Variants in TDRD3 observed in about 807,000 individuals in gnomAD.
The protein encoded by TDRD3 is tudor domain containing 3.
A neutral mutation model predicts 86.7 loss-of-function variants in TDRD3; 45 were observed. That is an observed-to-expected ratio of 0.52 (90% CI 0.41 to 0.67). The LOEUF (loss-of-function observed/expected upper bound fraction) is 0.67, where lower values mean the gene tolerates loss of function less well. Ranked by LOEUF, TDRD3 falls within the 30% of genes least tolerant of loss-of-function variation. The pLI is 0.00. For missense variants in TDRD3, 814 were observed against 889.0 expected (o/e 0.92, Z 1.07); for synonymous variants, 298 against 301.7 (o/e 0.99, Z 0.13).
At chr13:60,465,891 G>T (rs912027231) in intron 4 of TDRD3, among the ~76,000 whole-genome samples, 1 of 152,148 alleles carries the variant, frequency 6.6e-6, no homozygotes, top group African/African-American at 2.4e-5. Context: ...TGTGAGAAGA[G>T]ATGGGGTGGG....
intron 1 of TDRD3, among the ~76,000 whole-genome samples, chr13:60,416,096 G>A (rs932431590): frequency 6.6e-6 from 1 of 152,090 alleles, no homozygotes; most frequent in Non-Finnish European, 1.5e-5. Flanking sequence ...ATTGTGTTTT[G>A]GAAGTTGATA....
chr13:60,516,027 GCAT>G (rs1260405130), intron 10 of TDRD3, among the ~76,000 whole-genome samples: 4 of 152,292 alleles, frequency 2.6e-5, no homozygotes, highest in African/African-American at 9.6e-5. Flanking sequence ...CATATTAGCA[GCAT>G]CATTTATTTG....
rs749028045 is a variant in TDRD3 at position 60,557,820 on chromosome 13, A to ATT, written c.2119-9684_2119-9683dup. Among the ~76,000 whole-genome samples the ATT allele has an allele frequency of 3.6e-3, 316 of 88,252 alleles. 6 individuals are homozygous for ATT. The highest frequency in any genetic ancestry group is 6.0e-3 in the East Asian group (20 of 3,360). The allele number at this position is 88,252 out of a possible 152,430, so 57.9% of individuals were successfully genotyped here. A position where few individuals can be genotyped will look rare whatever the true frequency, so the allele number is the denominator to read the frequency against. On this transcript the variant is annotated intron_variant, in intron 12 of 13. Transcript: ENST00000377881. The stretch of plus-strand genomic sequence containing the variant: ...GGCATAAAGGATTTTTTTTTTCCTG[A>ATT]TTTTTTTTTTTTTTTTTTTTTTGAG...
intron 1 of TDRD3, among the ~76,000 whole-genome samples, chr13:60,430,525 ATAGAAT>A (rs1954928095): frequency 6.6e-6 from 1 of 152,188 alleles, no homozygotes; most frequent in Non-Finnish European, 1.5e-5. Flanking sequence ...GTATGAAAAT[ATAGAAT>A]TAGAGGAAGG....
chr13:60,565,210 C>T (rs1284490420), intron 12 of TDRD3, among the ~76,000 whole-genome samples: 2 of 152,048 alleles, frequency 1.3e-5, no homozygotes, highest in African/African-American at 4.8e-5. Context: ...CGCCCGCCAC[C>T]GCGCCCGGCT....
intron 12 of TDRD3, among the ~76,000 whole-genome samples, chr13:60,563,704 G>T (rs1278624097): frequency 2.6e-5 from 4 of 152,194 alleles, no homozygotes; most frequent in African/African-American, 9.7e-5. Context: ...ATGCTTAGCT[G>T]CATTTCACCT....
At chr13:60,529,840 G>A (rs999882033) in intron 11 of TDRD3, among the ~76,000 whole-genome samples, 1 of 152,108 alleles carries the variant, frequency 6.6e-6, no homozygotes, top group African/African-American at 2.4e-5. Flanking sequence ...GACAGAAGAT[G>A]AGGGCAAGAA....
chr13:60,555,275 AACTT>A (rs1958158222), intron 12 of TDRD3, among the ~76,000 whole-genome samples: 1 of 152,234 alleles, frequency 6.6e-6, no homozygotes, highest in Non-Finnish European at 1.5e-5. Context: ...ATTCTCTACT[AACTT>A]ACTGAGGTAA....
At chr13:60,429,300 A>G (rs1274174867) in intron 1 of TDRD3, among the ~76,000 whole-genome samples, 1 of 152,176 alleles carries the variant, frequency 6.6e-6, no homozygotes, top group African/African-American at 2.4e-5. Context: ...ATGATTGCAT[A>G]TACTAGAAAC....
chr13:60,508,326 A>G (rs1956981919), intron 8 of TDRD3, among the ~76,000 whole-genome samples: 1 of 152,204 alleles, frequency 6.6e-6, no homozygotes, highest in South Asian at 2.1e-4. Flanking sequence ...TCCTAAGCAA[A>G]AAGAACAAAG....
At chr13:60,520,472 A>G (rs913511339) in intron 10 of TDRD3, among the ~76,000 whole-genome samples, 12 of 152,058 alleles carry the variant, frequency 7.9e-5, no homozygotes, top group Non-Finnish European at 1.5e-4. Context: ...TACTTTCATC[A>G]CATTTCTTCT....
At chr13:60,491,076 T>A (rs917159907) in intron 7 of TDRD3, among the ~76,000 whole-genome samples, 1 of 147,402 alleles carries the variant, frequency 6.8e-6, no homozygotes, top group East Asian at 2.0e-4. Flanking sequence ...ATTGTGCTAT[T>A]GCACTCCAGC....
chr13:60,549,476 T>C (rs947391659), intron 12 of TDRD3, among the ~76,000 whole-genome samples: 2 of 152,066 alleles, frequency 1.3e-5, no homozygotes, highest in East Asian at 3.9e-4. Flanking sequence ...CCTAAAAATA[T>C]TGACAATGTT....
At chr13:60,453,910 GT>G (rs1026676781) in intron 3 of TDRD3, among the ~76,000 whole-genome samples, 31 of 146,036 alleles carry the variant, frequency 2.1e-4, no homozygotes, top group African/African-American at 6.8e-4. Flanking sequence ...AGTTTTTTTT[GT>G]TTTTTTTTCA....
At chr13:60,518,706 A>C (rs924715195) in intron 10 of TDRD3, among the ~76,000 whole-genome samples, 1 of 152,188 alleles carries the variant, frequency 6.6e-6, no homozygotes, top group Non-Finnish European at 1.5e-5. Context: ...ATTATGCTTA[A>C]TGCATTATAT....
At chr13:60,546,527 A>C (rs958458290) in intron 12 of TDRD3, among the ~76,000 whole-genome samples, 1 of 152,150 alleles carries the variant, frequency 6.6e-6, no homozygotes, top group Non-Finnish European at 1.5e-5. Flanking sequence ...GGTGGTGATG[A>C]TACACTTTCC....
intron 1 of TDRD3, among the ~76,000 whole-genome samples, chr13:60,397,863 A>AG (rs1162507265): frequency 6.6e-6 from 1 of 152,084 alleles, no homozygotes; most frequent in Non-Finnish European, 1.5e-5. Context: ...GCGGGCCCAT[A>AG]GGAAGTTGAG....
At chr13:60,506,447 T>C (rs1251624568) in intron 8 of TDRD3, among the ~76,000 whole-genome samples, 1 of 152,102 alleles carries the variant, frequency 6.6e-6, no homozygotes, top group Non-Finnish European at 1.5e-5. Context: ...TACCAAATTG[T>C]AAAGAACATT....
At chr13:60,522,513 G>A (rs1957311131) in intron 10 of TDRD3, among the ~76,000 whole-genome samples, 1 of 152,070 alleles carries the variant, frequency 6.6e-6, no homozygotes, top group African/African-American at 2.4e-5. Context: ...TTAATCCTCC[G>A]AGGTATGCTC....
Sources: gnomAD v4.1 joint callset for allele counts (sites outside exome capture counted in the v4.1 genomes callset) on GRCh38, gnomAD v4.1.1 for gene constraint, MANE v1.5 for transcripts, NCBI Gene and HGNC (gene_info 2026-07-23, HGNC 2026-07-21) for gene names.